Variants in STS observed in about 807,000 individuals in gnomAD.
STS encodes steroid sulfatase.
A neutral mutation model predicts 26.8 loss-of-function variants in STS; 7 were observed. The observed-to-expected ratio is 0.26, with a 90% CI of 0.15 to 0.49. The LOEUF (loss-of-function observed/expected upper bound fraction) is 0.49, where lower values mean the gene tolerates loss of function less well. STS is among the 20% of genes least tolerant of loss of function. The pLI is 0.98. For missense variants in STS, 434 were observed against 465.6 expected (o/e 0.93, Z 0.63); for synonymous variants, 199 against 189.4 (o/e 1.05, Z -0.42).
chrX:7,292,063 C>T (rs1032399516), intron 7 of STS, among the ~76,000 whole-genome samples: 15 of 112,364 alleles, frequency 1.3e-4, no homozygotes, highest in African/African-American at 3.9e-4. Context: ...AAGCTTTGAG[C>T]GCTGACTTTG....
intron 10 of STS, among the ~76,000 whole-genome samples, chrX:7,339,746 C>T (rs1376594873): frequency 9.0e-6 from 1 of 111,689 alleles, no homozygotes. Context: ...TCAGTAACAG[C>T]TTAACTTCCC....
At chrX:7,334,925 T>A (rs1927940380) in intron 10 of STS, among the ~76,000 whole-genome samples, 2 of 112,290 alleles carry the variant, frequency 1.8e-5, no homozygotes, top group African/African-American at 3.2e-5. Context: ...TGGTTTATAA[T>A]CTTAGGTGTG....
chrX:7,184,719 C>CT (rs1424761695), intron 1 of STS, among the ~76,000 whole-genome samples: 5 of 111,982 alleles, frequency 4.5e-5, no homozygotes, highest in African/African-American at 1.6e-4. Flanking sequence ...CCAAGACACT[C>CT]TCAGCAGGTG....
Position 7,323,198 on chromosome X carries a change from C to G in STS, c.1082-2141C>G, listed in dbSNP as rs180750982. 1.2e-3 allele frequency among the ~76,000 whole-genome samples: 129 copies of G among 110,787 alleles called. 1 individual carries two copies. In the Middle Eastern group the frequency reaches 0.014, roughly 12 times the overall value. On this transcript the variant is annotated intron_variant, in intron 8 of 10. Coordinates refer to ENST00000674429, the MANE Select transcript of STS (RefSeq NM_001320752.2). ...TCCTATGTCCGTTGTAATCATTGAC[C>G]ACAAATTTAGTGGCTCAAAACAACA...
At chrX:7,154,744 C>T (rs1461279196) in intron 1 of STS, among the ~76,000 whole-genome samples, 3 of 110,958 alleles carry the variant, frequency 2.7e-5, no homozygotes, top group Non-Finnish European at 5.7e-5. Flanking sequence ...CAATCAGGAC[C>T]ACAACGTGAA....
In STS at chrX:7,306,019, T is replaced by A. The variant is rs72609596; in HGVS notation, c.1081+836T>A. The stretch of plus-strand genomic sequence containing the variant: ...ATTTTGAGCTAACACTTTTCAAAAA[T>A]TTTTTTTGCAGCATTAGCTGAGCCA... On this transcript the variant is annotated intron_variant, in intron 8 of 10. Transcript: ENST00000674429. Among the ~76,000 whole-genome samples the A allele has an allele frequency of 3.0e-4, 34 of 111,574 alleles. 1 individual carries two copies. The East Asian group carries it at 8.2e-3, about 27-fold the overall frequency.
At chrX:7,219,374 G>A in intron 2 of STS, 3 of 1,007,746 alleles carry the variant, frequency 3.0e-6, no homozygotes, top group Non-Finnish European at 3.8e-6. Context: ...GAAGAATCCG[G>A]TTTACCAGGA....
intron 2 of STS, among the ~76,000 whole-genome samples, chrX:7,213,648 G>C (rs1390116145): frequency 9.0e-6 from 1 of 111,612 alleles, no homozygotes; most frequent in Non-Finnish European, 1.9e-5. Flanking sequence ...GGTTTCCTTC[G>C]TGTGTAAAAA....
At chrX:7,172,326 G>A (rs1440628941) in intron 1 of STS, among the ~76,000 whole-genome samples, 3 of 110,842 alleles carry the variant, frequency 2.7e-5, no homozygotes, top group African/African-American at 9.8e-5. Context: ...AAGCCCCCAC[G>A]CCCCTCACTG....
chrX:7,160,464 G>T (rs1302573449), intron 1 of STS, among the ~76,000 whole-genome samples: 1 of 112,562 alleles, frequency 8.9e-6, no homozygotes, highest in Non-Finnish European at 1.9e-5. Flanking sequence ...GTTTGTCTTT[G>T]TGGATTAGAG....
At chrX:7,254,001 G>T (rs750946365) in intron 3 of STS, among the ~76,000 whole-genome samples, 9 of 112,190 alleles carry the variant, frequency 8.0e-5, no homozygotes, top group East Asian at 2.8e-4. Flanking sequence ...ATGGTGGAAG[G>T]GGGGAGGGAG....
At chrX:7,211,076 G>A (rs1257018405) in intron 2 of STS, among the ~76,000 whole-genome samples, 2 of 111,880 alleles carry the variant, frequency 1.8e-5, no homozygotes, top group Non-Finnish European at 3.8e-5. Flanking sequence ...TAGTCACCAT[G>A]TTGTAGGAAA....
intron 6 of STS, among the ~76,000 whole-genome samples, chrX:7,268,341 C>A (rs2147099053): frequency 8.9e-6 from 1 of 112,045 alleles, no homozygotes; most frequent in East Asian, 2.8e-4. Context: ...TTGGCACAGT[C>A]ACAATCCCGA....
chrX:7,264,706 A>G (rs1465492397), intron 6 of STS, among the ~76,000 whole-genome samples: 1 of 112,127 alleles, frequency 8.9e-6, no homozygotes, highest in Non-Finnish European at 1.9e-5. Context: ...TTGCATCAGC[A>G]TTTTAATAAG....
At chrX:7,223,455 G>T (rs964569832) in intron 2 of STS, among the ~76,000 whole-genome samples, 1 of 111,941 alleles carries the variant, frequency 8.9e-6, no homozygotes, top group Non-Finnish European at 1.9e-5. Flanking sequence ...GTGGAAGATG[G>T]TACCTCATTG....
At chrX:7,237,993 G>A (rs1287454719) in intron 2 of STS, among the ~76,000 whole-genome samples, 1 of 110,681 alleles carries the variant, frequency 9.0e-6, no homozygotes, top group Non-Finnish European at 1.9e-5. Flanking sequence ...CTGTGGTAAA[G>A]TTCCTGTTAT....
intron 9 of STS, among the ~76,000 whole-genome samples, chrX:7,332,352 A>G: frequency 9.1e-6 from 1 of 109,797 alleles, no homozygotes; most frequent in South Asian, 4.0e-4. Context: ...AAAAATCGAA[A>G]AATACTGATC....
chrX:7,258,800 G>A (rs964715376), intron 5 of STS, among the ~76,000 whole-genome samples: 6 of 110,589 alleles, frequency 5.4e-5, no homozygotes, highest in African/African-American at 2.0e-4. Flanking sequence ...GGTAGGTTCT[G>A]AAGTAAGGAT....
chrX:7,241,001 G>A (rs1359694002), intron 2 of STS, among the ~76,000 whole-genome samples: 1 of 111,363 alleles, frequency 9.0e-6, no homozygotes, highest in South Asian at 3.7e-4. Flanking sequence ...AAAGGAAAAA[G>A]ATAAATGCCC....
Sources: gnomAD v4.1 joint callset for allele counts (sites outside exome capture counted in the v4.1 genomes callset) on GRCh38, gnomAD v4.1.1 for gene constraint, MANE v1.5 for transcripts, NCBI Gene and HGNC (gene_info 2026-07-23, HGNC 2026-07-21) for gene names.